The following REEP1 variants were observed in gnomAD, a reference collection of about 807,000 sequenced individuals.
REEP1 encodes receptor expression-enhancing protein 1.
In REEP1, 22 loss-of-function variants were observed where a neutral mutation model predicts 40.3. That is an observed-to-expected ratio of 0.55 (90% CI 0.39 to 0.78). REEP1 has a LOEUF of 0.78. REEP1 is among the 30% of genes least tolerant of loss of function. The pLI, the probability that REEP1 is intolerant of heterozygous loss-of-function variation, is 0.00. For missense variants in REEP1, 280 were observed against 361.1 expected (o/e 0.78, Z 1.82); for synonymous variants, 116 against 139.2 (o/e 0.83, Z 1.17).
intron 1 of REEP1, among the ~76,000 whole-genome samples, chr2:86,298,728 T>C (rs1011660321): frequency 6.6e-6 from 1 of 152,198 alleles, no homozygotes; most frequent in African/African-American, 2.4e-5. Context: ...AAAGCTGTTA[T>C]GGGGCCAGCA....
intron 1 of REEP1, among the ~76,000 whole-genome samples, chr2:86,304,286 A>G (rs1679388326): frequency 6.6e-6 from 1 of 152,216 alleles, no homozygotes; most frequent in South Asian, 2.1e-4. Flanking sequence ...AGAAAGATGA[A>G]TGTATCCAAA....
rs923051267 is a variant in REEP1, at chr2:86,222,783, T to A, written c.632-2662A>T. 1.1e-4 allele frequency among the ~76,000 whole-genome samples: 16 copies of A among 152,330 alleles called. No homozygotes were observed. The Middle Eastern group carries it at 0.01, about 97-fold the overall frequency. On this transcript the variant is annotated intron_variant, in intron 7 of 8. Coordinates refer to ENST00000538924, the MANE Select transcript of REEP1 (RefSeq NM_001371279.1). Reference sequence around the variant, plus strand: ...CACAAGTAGACCTAACTCCTTTTTATATCAGGAAGGAGTATAAATGGAGAA... The same window carrying A: ...CACAAGTAGACCTAACTCCTTTTTAAATCAGGAAGGAGTATAAATGGAGAA...
chr2:86,321,954 A>C (rs941385481), intron 1 of REEP1, among the ~76,000 whole-genome samples: 9 of 152,208 alleles, frequency 5.9e-5, no homozygotes, highest in African/African-American at 2.2e-4. Context: ...AAAAAGAATA[A>C]TGACCAGAAA....
intron 1 of REEP1, among the ~76,000 whole-genome samples, chr2:86,300,908 A>G (rs1017227918): frequency 3.9e-5 from 6 of 152,048 alleles, no homozygotes; most frequent in African/African-American, 1.4e-4. Flanking sequence ...CTGATGAAAA[A>G]TCATGCATCT....
chr2:86,276,814 G>A (rs189607655), intron 2 of REEP1, among the ~76,000 whole-genome samples: 1 of 152,318 alleles, frequency 6.6e-6, no homozygotes, highest in Non-Finnish European at 1.5e-5. Flanking sequence ...TCATCTGGGA[G>A]CCTGTTAGAA....
chr2:86,254,917 A>T, intron 3 of REEP1, 103 bp from the exon 4 acceptor site: 1 of 1,311,258 alleles, frequency 7.6e-7, no homozygotes. Context: ...TCCTGCTTGC[A>T]TGTGGCTGCA....
intron 1 of REEP1, among the ~76,000 whole-genome samples, chr2:86,299,563 C>G (rs1161848099): frequency 6.6e-6 from 1 of 152,194 alleles, no homozygotes; most frequent in Non-Finnish European, 1.5e-5. Flanking sequence ...TCTATTAGCA[C>G]TTAACTAGCC....
At chr2:86,217,666 AT>A (rs10668934) in intron 8 of REEP1, among the ~76,000 whole-genome samples, 5,344 of 112,854 alleles carry the variant, frequency 0.047, 390 homozygotes, top group African/African-American at 0.15. Flanking sequence ...GGGATTTCAG[AT>A]TTTTTTTTTT....
At chr2:86,258,359 C>T (rs1314712034) in intron 3 of REEP1, among the ~76,000 whole-genome samples, 1 of 152,198 alleles carries the variant, frequency 6.6e-6, no homozygotes, top group Non-Finnish European at 1.5e-5. Context: ...GTCTATGGTT[C>T]CTTTCATGCT....
chr2:86,259,812 T>C (rs958285175), intron 3 of REEP1, among the ~76,000 whole-genome samples: 1 of 152,210 alleles, frequency 6.6e-6, no homozygotes, highest in Non-Finnish European at 1.5e-5. Context: ...TGGAAAGTTT[T>C]ACAAAGTTAA....
At chr2:86,232,383 G>A (rs1192714193) in intron 6 of REEP1, among the ~76,000 whole-genome samples, 1 of 152,214 alleles carries the variant, frequency 6.6e-6, no homozygotes, top group East Asian at 1.9e-4. Flanking sequence ...TCATATGGAG[G>A]AAAGGGGACC....
At chr2:86,296,765 G>A (rs959914504) in intron 1 of REEP1, among the ~76,000 whole-genome samples, 8 of 152,208 alleles carry the variant, frequency 5.3e-5, no homozygotes, top group Non-Finnish European at 1.2e-4. Flanking sequence ...GCTGAGGCAA[G>A]AGAATTGCTT....
At chr2:86,280,985 G>A (rs2104389839) in intron 2 of REEP1, among the ~76,000 whole-genome samples, 1 of 152,352 alleles carries the variant, frequency 6.6e-6, no homozygotes, top group South Asian at 2.1e-4. Flanking sequence ...CCACTGTTCA[G>A]ATGAGGACAC....
intron 5 of REEP1, among the ~76,000 whole-genome samples, chr2:86,236,177 T>C (rs931490953): frequency 6.6e-6 from 1 of 151,670 alleles, no homozygotes; most frequent in Admixed American, 6.6e-5. Context: ...GATCATGCCA[T>C]TGCACTCCAG....
chr2:86,272,645 A>G (rs1314601626), intron 2 of REEP1, among the ~76,000 whole-genome samples: 1 of 152,106 alleles, frequency 6.6e-6, no homozygotes, highest in Non-Finnish European at 1.5e-5. Flanking sequence ...CAGGTAACCA[A>G]TCCCCAAGTT....
chr2:86,276,482 GAAAT>G (rs1677762756), intron 2 of REEP1, among the ~76,000 whole-genome samples: 1 of 152,188 alleles, frequency 6.6e-6, no homozygotes, highest in South Asian at 2.1e-4. Flanking sequence ...TATAGCAAAA[GAAAT>G]AAGGCAATAG....
intron 1 of REEP1, chr2:86,297,605 AG>A (rs1279005713): frequency 2.8e-6 from 2 of 708,076 alleles, no homozygotes; most frequent in African/African-American, 3.9e-5. Context: ...TGGGAGACCA[AG>A]AACAGCCACT....
intron 3 of REEP1, among the ~76,000 whole-genome samples, chr2:86,259,995 C>A (rs781698760): frequency 6.6e-6 from 1 of 152,150 alleles, no homozygotes; most frequent in African/African-American, 2.4e-5. Context: ...CTCCCCCTAA[C>A]CTTTTTGAAT....
chr2:86,241,130 A>G (rs927080837), intron 5 of REEP1, among the ~76,000 whole-genome samples: 1 of 152,204 alleles, frequency 6.6e-6, no homozygotes, highest in Non-Finnish European at 1.5e-5. Flanking sequence ...GACCCTCCAC[A>G]TACAGCAGCT....
Sources: gnomAD v4.1 joint callset for allele counts (sites outside exome capture counted in the v4.1 genomes callset) on GRCh38, gnomAD v4.1.1 for gene constraint, MANE v1.5 for transcripts, NCBI Gene and HGNC (gene_info 2026-07-23, HGNC 2026-07-21) for gene names.